Variants in ATP11B observed in about 807,000 individuals in gnomAD.
The protein encoded by ATP11B is ATPase phospholipid transporting 11B (putative), also known as phospholipid-transporting ATPase IF.
In ATP11B, 81 loss-of-function variants were observed where a neutral mutation model predicts 157.8. That is an observed-to-expected ratio of 0.51 (90% CI 0.43 to 0.62). The LOEUF (loss-of-function observed/expected upper bound fraction) is 0.62, where lower values mean the gene tolerates loss of function less well. Ranked by LOEUF, ATP11B falls within the 20% of genes least tolerant of loss-of-function variation. The probability of loss-of-function intolerance (pLI) is 0.00; values close to 1 mark genes in which losing one functional copy is unlikely to be tolerated. For synonymous variants in ATP11B, 451 were observed against 469.4 expected (o/e 0.96, Z 0.51); for missense variants, 1,165 against 1,402.2 (o/e 0.83, Z 2.70).
chr3:182,809,281 G>A (rs1716510034), intron 1 of ATP11B, among the ~76,000 whole-genome samples: 1 of 150,568 alleles, frequency 6.6e-6, no homozygotes, highest in Admixed American at 6.6e-5. Context: ...CAGACTTTTG[G>A]TCTGTCGCCC....
chr3:182,861,831 C>G (rs1720861556), intron 12 of ATP11B, among the ~76,000 whole-genome samples: 2 of 151,952 alleles, frequency 1.3e-5, no homozygotes, highest in Admixed American at 1.3e-4. Flanking sequence ...TAAAAGTACT[C>G]TACCCAGGAG....
intron 21 of ATP11B, among the ~76,000 whole-genome samples, chr3:182,882,308 TCCTATA>T (rs1459374381): frequency 3.3e-5 from 5 of 152,154 alleles, no homozygotes; most frequent in African/African-American, 1.2e-4. Context: ...GATGATAACT[TCCTATA>T]CCATACATTT....
chr3:182,822,003 C>A (rs538181451), intron 2 of ATP11B, among the ~76,000 whole-genome samples: 1 of 152,230 alleles, frequency 6.6e-6, no homozygotes, highest in South Asian at 2.1e-4. Context: ...TATAACATAC[C>A]CTTAGTGCCA....
chr3:182,864,435 A>T (rs1302286508), intron 12 of ATP11B, among the ~76,000 whole-genome samples: 6 of 152,024 alleles, frequency 3.9e-5, no homozygotes, highest in African/African-American at 1.4e-4. Flanking sequence ...TTTTTATTCC[A>T]GTTTGTTGAA....
Position 182,918,067 on chromosome 3 carries a change from T to C in ATP11B, c.3497T>C (p.Ile1166Thr). Residue 1166 changes from isoleucine (I) to threonine (T), a missense_variant, in exon 30 of 30, where the codon ATC becomes ACC. Physicochemically the swap from Ile to Thr is moderately conservative, Grantham distance 89 (BLOSUM62 -1). This residue lies in a region of ATP11B where 303 missense variants were observed against 296.3 expected (regional missense o/e 1.02). Transcript: ENST00000323116. ...CCTTTCTATACCAACGACAGGAGCA[T>C]CTTGACTCTCTCCACAATGGACTCA... ...SDPFYTNDRS[I>T]LTLSTMDSST... 8 of 1,613,486 alleles carry C rather than the reference T, an allele frequency of 5.0e-6. No homozygotes were observed. The highest frequency in any genetic ancestry group is 5.9e-6 in the Non-Finnish European group (7 of 1,179,586).
At chr3:182,798,287 G>T (rs1440733974) in intron 1 of ATP11B, among the ~76,000 whole-genome samples, 2 of 152,180 alleles carry the variant, frequency 1.3e-5, no homozygotes, top group African/African-American at 2.4e-5. Context: ...CCCATTGTAG[G>T]TATTCACCTG....
intron 1 of ATP11B, among the ~76,000 whole-genome samples, chr3:182,799,904 G>A (rs4859139): frequency 0.13 from 20,264 of 152,062 alleles, 1,607 homozygotes; most frequent in African/African-American, 0.22. Flanking sequence ...TTTGGGCCAG[G>A]AGTTTAAGGC....
intron 3 of ATP11B, among the ~76,000 whole-genome samples, chr3:182,828,938 AC>A (rs1380413887): frequency 6.6e-6 from 1 of 152,156 alleles, no homozygotes; most frequent in African/African-American, 2.4e-5. Flanking sequence ...TCTCAGTAGA[AC>A]CTGGGATTTC....
intron 1 of ATP11B, among the ~76,000 whole-genome samples, chr3:182,806,101 TC>T: frequency 6.6e-6 from 1 of 152,328 alleles, no homozygotes; most frequent in South Asian, 2.1e-4. Context: ...TGTTTTTATT[TC>T]ATAGTCACTA....
chr3:182,803,680 A>G (rs534972801), intron 1 of ATP11B, among the ~76,000 whole-genome samples: 60 of 152,322 alleles, frequency 3.9e-4, no homozygotes, highest in African/African-American at 1.4e-3. Context: ...TGTATATGGA[A>G]TAAGGAAGGG....
Position 182,865,426 on chromosome 3 carries a change from T to C in ATP11B, c.1201-30T>C, listed in dbSNP as rs144839585. The stretch of plus-strand genomic sequence containing the variant: ...TAACATAGGACCATGAACACAAAGG[T>C]TTATTTTCTTTTGTTTTCTATCTCT... On this transcript the variant is annotated intron_variant, in intron 12 of 29. Coordinates refer to ENST00000323116, the MANE Select transcript of ATP11B (RefSeq NM_014616.3). 480 of 1,602,878 alleles carry C rather than the reference T, an allele frequency of 3.0e-4. 2 individuals carry two copies. The African/African-American group carries it at 5.7e-3, about 19-fold the overall frequency.
intron 28 of ATP11B, among the ~76,000 whole-genome samples, chr3:182,911,271 G>GCCCCCCCC (rs4063413): frequency 1.3e-5 from 1 of 76,606 alleles, no homozygotes; most frequent in African/African-American, 8.2e-5. Flanking sequence ...CTATTGAAAT[G>GCCCCCCCC]CCCCCCCCCG....
chr3:182,916,506 G>A, intron 29 of ATP11B: 1 of 985,244 alleles, frequency 1.0e-6, no homozygotes, highest in Non-Finnish European at 1.2e-6. Context: ...GTTTCAAAGA[G>A]AGCATCATGG....
intron 21 of ATP11B, 41 bp from the exon 22 acceptor site, chr3:182,884,712 A>T: frequency 6.5e-7 from 1 of 1,545,844 alleles, no homozygotes; most frequent in African/African-American, 1.4e-5. Context: ...CATGAAAATT[A>T]CAGTTATCAG....
chr3:182,891,145 T>C (rs1723147741), intron 25 of ATP11B, among the ~76,000 whole-genome samples: 1 of 152,188 alleles, frequency 6.6e-6, no homozygotes, highest in South Asian at 2.1e-4. Flanking sequence ...CCACCAAATA[T>C]ATAGACATAT....
chr3:182,839,834 A>G (rs980633199), intron 7 of ATP11B, among the ~76,000 whole-genome samples: 8 of 152,068 alleles, frequency 5.3e-5, no homozygotes, highest in African/African-American at 1.9e-4. Context: ...GCTGTTATCA[A>G]ACTCCTGACC....
chr3:182,809,114 A>C (rs1472432766), intron 1 of ATP11B, among the ~76,000 whole-genome samples: 1 of 152,114 alleles, frequency 6.6e-6, no homozygotes, highest in Non-Finnish European at 1.5e-5. Flanking sequence ...AGGAGATTAA[A>C]AAAATAGAAG....
rs779777121 is a variant in ATP11B at position 182,918,112 on chromosome 3, G to A, written c.*8G>A. 45 of 1,612,384 alleles carry A rather than the reference G, an allele frequency of 2.8e-5. No homozygotes were observed. The highest frequency in any genetic ancestry group is 3.7e-5 in the Non-Finnish European group (44 of 1,179,048). Reference sequence around the variant, plus strand: ...GACTCATCTACTTGTTAAAGGGGCAGTAGTACTTTGTGGGAGCCAGTTCAC... The same window carrying A: ...GACTCATCTACTTGTTAAAGGGGCAATAGTACTTTGTGGGAGCCAGTTCAC... On this transcript the variant is annotated 3_prime_UTR_variant, in exon 30 of 30. Transcript: ENST00000323116.
rs1725313320 is a variant in ATP11B at position 182,919,166 on chromosome 3, C to CT, written c.*1065dup. ...GCAGCCGACTTAGACATGCTCTTCC[C>CT]TTTCTATAAGCTAGATTTTAGAATA... On this transcript the variant is annotated 3_prime_UTR_variant, in exon 30 of 30. Coordinates refer to ENST00000323116, the MANE Select transcript of ATP11B (RefSeq NM_014616.3). The CT allele has an allele frequency of 6.6e-6, 1 of 152,502 alleles. No homozygotes were observed. Among genetic ancestry groups the CT allele is most frequent in the African/African-American group, 2.4e-5 (1 of 41,434 alleles). 9.4% of individuals were successfully genotyped at this position (152,502 alleles called of 1,614,324 possible).
Sources: gnomAD v4.1 joint callset for allele counts (sites outside exome capture counted in the v4.1 genomes callset) on GRCh38, gnomAD v4.1.1 for gene constraint, gnomAD v4.1.1 regional missense constraint, MANE v1.5 for transcripts, NCBI Gene and HGNC (gene_info 2026-07-23, HGNC 2026-07-21) for gene names.